The following DYNC2H1 variants were observed in gnomAD, a reference collection of about 807,000 sequenced individuals.
DYNC2H1 encodes the protein cytoplasmic dynein 2 heavy chain 1.
In DYNC2H1, 410 loss-of-function variants were observed where a neutral mutation model predicts 570.0. The observed-to-expected ratio is 0.72, with a 90% CI of 0.66 to 0.78. The LOEUF is 0.78. Ranked by LOEUF, DYNC2H1 falls within the 30% of genes least tolerant of loss-of-function variation. DYNC2H1 has a pLI of 0.00. For missense variants in DYNC2H1, 4,865 were observed against 5,046.4 expected, an observed-to-expected ratio of 0.96 and a Z score of 1.09; for synonymous variants, 1,688 against 1,677.6, an observed-to-expected ratio of 1.01 and a Z score of -0.15.
At position 103,358,356 on chromosome 11, in the gene DYNC2H1, C is replaced by T. The variant is rs993041251; in HGVS notation, c.12153C>T (p.Asn4051=). Residue 4051 remains asparagine, a synonymous_variant, in exon 83 of 89, where the codon AAC becomes AAT. Coordinates refer to ENST00000375735, the MANE Select transcript of DYNC2H1 (RefSeq NM_001377.3). Reference sequence around the variant, plus strand: ...TCCTCAATCTCTGGAAGAAACTAAACCAGGTTAGTAGTGGAATATTCTTCT... The same window carrying T: ...TCCTCAATCTCTGGAAGAAACTAAATCAGGTTAGTAGTGGAATATTCTTCT... ...SPVLNLWKKL[N]QNSNLIHQKV... 4 of 1,553,788 alleles carry T rather than the reference C, an allele frequency of 2.6e-6. No homozygotes were observed. The highest frequency in any genetic ancestry group is 2.7e-5 in the African/African-American group (2 of 73,648).
chr11:103,320,240 C>T (rs185504817), intron 80 of DYNC2H1, among the ~76,000 whole-genome samples: 47 of 152,162 alleles, frequency 3.1e-4, no homozygotes, highest in African/African-American at 9.2e-4. Flanking sequence ...CCCGTCTCTA[C>T]TAAAAATACA....
intron 70 of DYNC2H1, among the ~76,000 whole-genome samples, chr11:103,263,006 C>T (rs1865364299): frequency 1.7e-5 from 2 of 117,242 alleles, no homozygotes; most frequent in Non-Finnish European, 3.4e-5. Context: ...GGAATATTTA[C>T]CAAGCAAATG....
At chr11:103,311,577 AG>A (rs1416272885) in intron 78 of DYNC2H1, among the ~76,000 whole-genome samples, 1 of 147,888 alleles carries the variant, frequency 6.8e-6, no homozygotes, top group Non-Finnish European at 1.5e-5. Context: ...GTAGTGATTT[AG>A]TGTCAGTGGG....
intron 11 of DYNC2H1, among the ~76,000 whole-genome samples, chr11:103,123,840 G>A (rs931504873): frequency 1.3e-5 from 2 of 148,586 alleles, no homozygotes; most frequent in Non-Finnish European, 3.0e-5. Context: ...TTTTTTTTTA[G>A]ACCCATTTTT....
At chr11:103,469,122 G>A (rs1013483564) in intron 88 of DYNC2H1, among the ~76,000 whole-genome samples, 11 of 152,288 alleles carry the variant, frequency 7.2e-5, no homozygotes, top group African/African-American at 2.6e-4. Flanking sequence ...GCTCACGCAG[G>A]TTAAATGACT....
chr11:103,225,096 T>A (rs1441904082), intron 59 of DYNC2H1, among the ~76,000 whole-genome samples: 1 of 152,040 alleles, frequency 6.6e-6, no homozygotes, highest in African/African-American at 2.4e-5. Flanking sequence ...TTTGATGGAG[T>A]CGTTTGTTTT....
At chr11:103,134,466 T>A (rs1859436317) in intron 15 of DYNC2H1, 47 bp downstream of exon 15, 6 of 1,478,970 alleles carry the variant, frequency 4.1e-6, no homozygotes, top group Non-Finnish European at 5.5e-6. Flanking sequence ...TATGACCTTT[T>A]CAGAATGTAA....
At chr11:103,330,328 C>A (rs570642912) in intron 82 of DYNC2H1, among the ~76,000 whole-genome samples, 1 of 151,926 alleles carries the variant, frequency 6.6e-6, no homozygotes, top group East Asian at 1.9e-4. Context: ...TTTGTGCAAT[C>A]AAGACAGTTT....
At chr11:103,232,241 T>G (rs192642620) in intron 60 of DYNC2H1, among the ~76,000 whole-genome samples, 132 of 152,116 alleles carry the variant, frequency 8.7e-4, no homozygotes, top group African/African-American at 3.1e-3. Flanking sequence ...GGGTAATTTA[T>G]GTATTTATTT....
intron 84 of DYNC2H1, among the ~76,000 whole-genome samples, chr11:103,428,235 T>C (rs1943748635): frequency 6.7e-6 from 1 of 148,778 alleles, no homozygotes; most frequent in African/African-American, 2.5e-5. Flanking sequence ...AGGAGGAGTG[T>C]GGATAAGAAA....
At chr11:103,232,525 G>A (rs1057267487) in intron 60 of DYNC2H1, among the ~76,000 whole-genome samples, 9 of 151,806 alleles carry the variant, frequency 5.9e-5, no homozygotes, top group South Asian at 4.1e-4. Flanking sequence ...AGTCATTGTT[G>A]AGAATGAATT....
intron 25 of DYNC2H1, among the ~76,000 whole-genome samples, chr11:103,155,865 T>C (rs751272826): frequency 1.3e-5 from 2 of 152,186 alleles, no homozygotes; most frequent in African/African-American, 2.4e-5. Context: ...TTTTATTTCC[T>C]ATCCCAGAAA....
chr11:103,360,962 G>C (rs1940607037), intron 83 of DYNC2H1, among the ~76,000 whole-genome samples: 1 of 152,182 alleles, frequency 6.6e-6, no homozygotes, highest in Non-Finnish European at 1.5e-5. Flanking sequence ...TGAGAAGCTA[G>C]CCAGACAGAG....
At chr11:103,312,625 T>C (rs1402753471) in intron 79 of DYNC2H1, among the ~76,000 whole-genome samples, 1 of 151,728 alleles carries the variant, frequency 6.6e-6, no homozygotes, top group Non-Finnish European at 1.5e-5. Flanking sequence ...ACATAGTAAT[T>C]TGGCTCATGA....
chr11:103,426,137 G>A (rs1247650434), intron 84 of DYNC2H1, among the ~76,000 whole-genome samples: 1 of 152,180 alleles, frequency 6.6e-6, no homozygotes, highest in South Asian at 2.1e-4. Flanking sequence ...TCCTGCTGCA[G>A]ATAACTAGTC....
intron 75 of DYNC2H1, among the ~76,000 whole-genome samples, chr11:103,298,893 A>G (rs2135386781): frequency 6.6e-6 from 1 of 152,276 alleles, no homozygotes; most frequent in South Asian, 2.1e-4. Flanking sequence ...TTAAATTAGC[A>G]TAGCAGTCCT....
chr11:103,280,356 G>A lies in DYNC2H1; in HGVS notation c.10704G>A (p.Gln3568=), dbSNP rs866262079. 1 of 1,554,986 alleles carries A rather than the reference G, an allele frequency of 6.4e-7. No individual in the cohort carries two copies. Among genetic ancestry groups the A allele is most frequent in the Non-Finnish European group, 8.7e-7 (1 of 1,148,020 alleles). Residue 3568 remains glutamine, a synonymous_variant, in exon 71 of 89, where the codon CAG becomes CAA. Coordinates refer to ENST00000375735, the MANE Select transcript of DYNC2H1 (RefSeq NM_001377.3). This position sits in a 1 kb window ranked among gnomAD's most constrained non-coding sequence, Gnocchi z 4.7. ...TCTGTTATTCTTTGCAGGCTGATCAGTTGATGTTCGCTTTGCATTTTGTTC... is the reference window on the plus strand; with the variant it reads ...TCTGTTATTCTTTGCAGGCTGATCAATTGATGTTCGCTTTGCATTTTGTTC... ...YICRCLFKAD[Q]LMFALHFVRG...
intron 77 of DYNC2H1, among the ~76,000 whole-genome samples, chr11:103,306,401 GATT>G (rs1867285479): frequency 6.6e-6 from 1 of 151,956 alleles, no homozygotes. Context: ...TAAAATAACT[GATT>G]ATTATTTGCT....
chr11:103,304,786 A>G, intron 77 of DYNC2H1, 66 bp downstream of exon 77: 1 of 1,429,298 alleles, frequency 7.0e-7, no homozygotes, highest in Non-Finnish European at 9.3e-7. Flanking sequence ...AAGGGACATC[A>G]GTATTAAAAT....
Sources: allele counts gnomAD v4.1 joint callset (sites outside exome capture counted in the v4.1 genomes callset), GRCh38; gene constraint gnomAD v4.1.1; non-coding constraint Gnocchi (gnomAD v3.1); transcripts MANE v1.5; gene names NCBI Gene and HGNC (gene_info 2026-07-23, HGNC 2026-07-21).